KCNMB2: variants seen among roughly 807,000 people sequenced by gnomAD.
KCNMB2 encodes the protein calcium-activated potassium channel subunit beta-2.
A neutral mutation model predicts 24.5 loss-of-function variants in KCNMB2; 9 were observed. The observed-to-expected ratio is 0.37, with a 90% CI of 0.22 to 0.64. KCNMB2 has a LOEUF of 0.64. KCNMB2 is among the 30% of genes least tolerant of loss of function. KCNMB2 has a pLI of 0.63. For missense variants in KCNMB2, 226 were observed against 284.3 expected (o/e 0.79, Z 1.47); for synonymous variants, 109 against 104.4 (o/e 1.04, Z -0.27).
chr3:178,812,286 T>G (rs1714222764), intron 2 of KCNMB2, among the ~76,000 whole-genome samples: 1 of 152,026 alleles, frequency 6.6e-6, no homozygotes, highest in African/African-American at 2.4e-5. Context: ...GTGCACAACG[T>G]GCAGGTTTGT....
chr3:178,694,143 C>T (rs903457933), intron 1 of KCNMB2, among the ~76,000 whole-genome samples: 1 of 152,150 alleles, frequency 6.6e-6, no homozygotes, highest in African/African-American at 2.4e-5. Context: ...GCAAGCATAT[C>T]CTCCTTCATG....
At chr3:178,764,368 A>G (rs1047475970) in intron 1 of KCNMB2, among the ~76,000 whole-genome samples, 19 of 152,232 alleles carry the variant, frequency 1.2e-4, no homozygotes, top group Non-Finnish European at 2.4e-4. Context: ...CAATGGTCTC[A>G]TAAGATTATA....
At chr3:178,689,221 T>G (rs1382572820) in intron 1 of KCNMB2, among the ~76,000 whole-genome samples, 1 of 152,210 alleles carries the variant, frequency 6.6e-6, no homozygotes, top group African/African-American at 2.4e-5. Context: ...GACTTGATAA[T>G]GATGAGCATC....
At chr3:178,754,379 C>A (rs976475674) in intron 1 of KCNMB2, among the ~76,000 whole-genome samples, 3 of 151,870 alleles carry the variant, frequency 2.0e-5, no homozygotes, top group African/African-American at 7.3e-5. Context: ...GGTTATTTAT[C>A]TTTGTACCTG....
intron 1 of KCNMB2, among the ~76,000 whole-genome samples, chr3:178,707,883 C>T (rs1722330491): frequency 6.6e-6 from 1 of 152,126 alleles, no homozygotes; most frequent in Non-Finnish European, 1.5e-5. Flanking sequence ...ATTGTCTGGA[C>T]CTTCCCACCA....
intron 1 of KCNMB2, among the ~76,000 whole-genome samples, chr3:178,615,245 C>T (rs764351146): frequency 1.3e-5 from 2 of 152,208 alleles, no homozygotes; most frequent in Non-Finnish European, 2.9e-5. Context: ...TACTGCATCT[C>T]GCCCATGGCC....
At chr3:178,829,880 C>T (rs1205678983) in intron 4 of KCNMB2, among the ~76,000 whole-genome samples, 2 of 152,118 alleles carry the variant, frequency 1.3e-5, no homozygotes, top group Non-Finnish European at 2.9e-5. Context: ...GTTTTATTGG[C>T]CCCACTATCT....
rs116690194 is a variant in KCNMB2, at chr3:178,703,409, G to T, written c.-67-103934G>T. Among the ~76,000 whole-genome samples the T allele has an allele frequency of 7.5e-3, 1,144 of 152,182 alleles. 14 individuals carry two copies. Among genetic ancestry groups the T allele is most frequent in the African/African-American group, 0.027 (1,109 of 41,528 alleles). On this transcript the variant is annotated intron_variant, in intron 1 of 4. Coordinates refer to ENST00000452583, the MANE Select transcript of KCNMB2 (RefSeq NM_181361.3). ...AGATAAAGGGGAGAAAAAAGGAAAAGGAAGGTATTTAGTTCTCCATTTGTA... is the reference window on the plus strand; with the variant it reads ...AGATAAAGGGGAGAAAAAAGGAAAATGAAGGTATTTAGTTCTCCATTTGTA...
At chr3:178,772,720 A>G (rs1712424207) in intron 1 of KCNMB2, among the ~76,000 whole-genome samples, 1 of 152,228 alleles carries the variant, frequency 6.6e-6, no homozygotes, top group South Asian at 2.1e-4. Flanking sequence ...TGCCTTGCAT[A>G]TAACAGGTGT....
chr3:178,716,544 A>G (rs1394860203), intron 1 of KCNMB2, among the ~76,000 whole-genome samples: 2 of 151,704 alleles, frequency 1.3e-5, no homozygotes, highest in Non-Finnish European at 2.9e-5. Flanking sequence ...CCGAGGTTCA[A>G]GCGATTGTCC....
chr3:178,809,056 A>G (rs1444470322), intron 2 of KCNMB2, among the ~76,000 whole-genome samples: 1 of 152,182 alleles, frequency 6.6e-6, no homozygotes, highest in East Asian at 1.9e-4. Flanking sequence ...GCTTAATCAA[A>G]TTATTTTTCA....
At chr3:178,721,657 G>A (rs899764633) in intron 1 of KCNMB2, among the ~76,000 whole-genome samples, 20 of 152,200 alleles carry the variant, frequency 1.3e-4, no homozygotes, top group African/African-American at 4.8e-4. Flanking sequence ...CCACACTGTG[G>A]ATGAGTGGGT....
chr3:178,584,802 G>A (rs780099785), intron 1 of KCNMB2, among the ~76,000 whole-genome samples: 11 of 151,952 alleles, frequency 7.2e-5, no homozygotes, highest in Admixed American at 2.0e-4. Flanking sequence ...TTATGTAAGC[G>A]ACACCCATTT....
intron 1 of KCNMB2, among the ~76,000 whole-genome samples, chr3:178,574,147 A>G (rs1271095163): frequency 6.6e-6 from 1 of 152,196 alleles, no homozygotes; most frequent in African/African-American, 2.4e-5. Context: ...AGATATAAGA[A>G]CAGAGGTCCT....
At chr3:178,655,144 A>G (rs1477781) in intron 1 of KCNMB2, among the ~76,000 whole-genome samples, 1 of 73,526 alleles carries the variant, frequency 1.4e-5, no homozygotes, top group African/African-American at 5.2e-5. Context: ...CTCTCTCTCT[A>G]TCTCTATTTC....
chr3:178,594,916 G>T (rs1306954266), intron 1 of KCNMB2, among the ~76,000 whole-genome samples: 1 of 151,924 alleles, frequency 6.6e-6, no homozygotes, highest in South Asian at 2.1e-4. Flanking sequence ...TGAAAAATCT[G>T]TTTGCAATTC....
At chr3:178,626,454 T>C (rs955604497) in intron 1 of KCNMB2, among the ~76,000 whole-genome samples, 11 of 152,218 alleles carry the variant, frequency 7.2e-5, no homozygotes, top group African/African-American at 2.4e-4. Context: ...TATAAAGAAC[T>C]GCCCAAGGCT....
At chr3:178,688,422 C>CT (rs1437151774) in intron 1 of KCNMB2, among the ~76,000 whole-genome samples, 3 of 151,914 alleles carry the variant, frequency 2.0e-5, no homozygotes, top group Non-Finnish European at 4.4e-5. Context: ...AAATAACTAC[C>CT]TTTTTAATTA....
Position 178,605,906 on chromosome 3 carries a change from G to C in KCNMB2, c.-68+69195G>C, listed in dbSNP as rs542954052. 4.6e-5 allele frequency among the ~76,000 whole-genome samples: 7 copies of C among 152,246 alleles called. No homozygotes were observed. In the East Asian group the frequency reaches 1.2e-3, roughly 25 times the overall value. On this transcript the variant is annotated intron_variant, in intron 1 of 4. Transcript: ENST00000452583. Reference sequence around the variant, plus strand: ...AACAATAGAATTGTTAGGCAAAAAGGATCTAAACTTAAAGATTTGGAAAAT... The same window carrying C: ...AACAATAGAATTGTTAGGCAAAAAGCATCTAAACTTAAAGATTTGGAAAAT...
Sources: allele counts gnomAD v4.1 joint callset (sites outside exome capture counted in the v4.1 genomes callset), GRCh38; gene constraint gnomAD v4.1.1; transcripts MANE v1.5; gene names NCBI Gene and HGNC (gene_info 2026-07-23, HGNC 2026-07-21).